SLC44A1: variants seen among roughly 807,000 people sequenced by gnomAD.
The protein encoded by SLC44A1 is solute carrier family 44 member 1.
SLC44A1 carries 26 observed loss-of-function variants against 79.3 expected under a neutral mutation model. The observed-to-expected ratio is 0.33, with a 90% CI of 0.24 to 0.46. The LOEUF (loss-of-function observed/expected upper bound fraction) is 0.46, where lower values mean the gene tolerates loss of function less well. SLC44A1 is among the 20% of genes least tolerant of loss of function. The pLI is 1.00. For synonymous variants in SLC44A1, 263 were observed against 286.2 expected (o/e 0.92, Z 0.82); for missense variants, 688 against 798.1 (o/e 0.86, Z 1.66).
At chr9:105,413,463 T>C (rs1329338461) in intron 15 of SLC44A1, among the ~76,000 whole-genome samples, 4 of 152,162 alleles carry the variant, frequency 2.6e-5, no homozygotes, top group African/African-American at 9.7e-5. Flanking sequence ...GCAGATGTGA[T>C]CCTACTTGAA....
chr9:105,262,858 C>T (rs1829874085), intron 1 of SLC44A1, among the ~76,000 whole-genome samples: 2 of 152,128 alleles, frequency 1.3e-5, no homozygotes, highest in South Asian at 2.1e-4. Context: ...TGTTTATGCT[C>T]TTTAAGTTTT....
At chr9:105,295,768 G>C (rs1218931687) in intron 1 of SLC44A1, among the ~76,000 whole-genome samples, 1 of 151,078 alleles carries the variant, frequency 6.6e-6, no homozygotes, top group Non-Finnish European at 1.5e-5. Flanking sequence ...GAGTGGGGGG[G>C]AGGGCGCCAA....
chr9:105,423,085 T>C (rs1336376682), intron 15 of SLC44A1, among the ~76,000 whole-genome samples: 4 of 152,188 alleles, frequency 2.6e-5, no homozygotes, highest in Admixed American at 2.6e-4. Context: ...TGAAATCTAC[T>C]CTTATGTTAA....
At chr9:105,266,582 A>G (rs1829967477) in intron 1 of SLC44A1, among the ~76,000 whole-genome samples, 1 of 152,116 alleles carries the variant, frequency 6.6e-6, no homozygotes, top group South Asian at 2.1e-4. Context: ...TTTCCATTGA[A>G]TTGCCTTTGT....
At chr9:105,294,034 C>T (rs1445772808) in intron 1 of SLC44A1, among the ~76,000 whole-genome samples, 1 of 152,120 alleles carries the variant, frequency 6.6e-6, no homozygotes, top group African/African-American at 2.4e-5. Context: ...TATAAATGTA[C>T]AAACAAGAGG....
chr9:105,417,690 A>T (rs185410390), intron 15 of SLC44A1, among the ~76,000 whole-genome samples: 63 of 152,134 alleles, frequency 4.1e-4, no homozygotes, highest in Non-Finnish European at 2.4e-4. Flanking sequence ...CTTGCCCTTG[A>T]TATCAGTGAG....
In SLC44A1 at chr9:105,392,648, C is replaced by T. The variant is rs982143220; in HGVS notation, c.*3592C>T. The T allele has an allele frequency of 1.0e-5, 10 of 985,306 alleles. No homozygotes were observed. Among genetic ancestry groups the T allele is most frequent in the Non-Finnish European group, 2.4e-6 (2 of 829,984 alleles). 61.0% of individuals were successfully genotyped at this position (985,306 alleles called of 1,614,324 possible). ...ACAGCTACAGGAACTGCAGGCACCA[C>T]ATATGTGTGAGGCCACATCACTGCC... On this transcript the variant is annotated 3_prime_UTR_variant, in exon 16 of 16. Transcript: ENST00000374720.
At chr9:105,386,974 G>A (rs2131473504) in intron 15 of SLC44A1, among the ~76,000 whole-genome samples, 1 of 143,508 alleles carries the variant, frequency 7.0e-6, no homozygotes, top group African/African-American at 2.6e-5. Flanking sequence ...GGGAGGCAGA[G>A]GTTGCAGTGA....
chr9:105,436,198 AAAAACAG>A (rs1464989601), intron 15 of SLC44A1, among the ~76,000 whole-genome samples: 1 of 152,236 alleles, frequency 6.6e-6, no homozygotes, highest in Non-Finnish European at 1.5e-5. Flanking sequence ...ACTCTATCTC[AAAAACAG>A]AAAACAAAAA....
intron 13 of SLC44A1, among the ~76,000 whole-genome samples, chr9:105,375,689 C>T (rs1828257343): frequency 6.6e-6 from 1 of 152,026 alleles, no homozygotes. Flanking sequence ...TGTTAGAGAA[C>T]GAGACTTATA....
intron 12 of SLC44A1, among the ~76,000 whole-genome samples, chr9:105,374,367 T>G (rs570377678): frequency 6.6e-6 from 1 of 152,292 alleles, no homozygotes; most frequent in South Asian, 2.1e-4. Flanking sequence ...TTTTAATAAA[T>G]AACAATGTTT....
intron 1 of SLC44A1, among the ~76,000 whole-genome samples, chr9:105,273,587 A>C (rs1830127304): frequency 6.6e-6 from 1 of 152,180 alleles, no homozygotes; most frequent in Non-Finnish European, 1.5e-5. Flanking sequence ...ATTTGTGTAA[A>C]ATTGCAACTG....
chr9:105,292,476 A>T (rs1830623614), intron 1 of SLC44A1, among the ~76,000 whole-genome samples: 1 of 152,202 alleles, frequency 6.6e-6, no homozygotes, highest in South Asian at 2.1e-4. Context: ...TTTTAAAGCA[A>T]CTTAATGTCC....
intron 4 of SLC44A1, among the ~76,000 whole-genome samples, chr9:105,338,457 T>C (rs1588799245): frequency 6.6e-6 from 1 of 152,208 alleles, no homozygotes. Context: ...TGCAGTGGTC[T>C]AGGCTGTAGT....
chr9:105,317,039 T>G (rs1831346323), intron 3 of SLC44A1, among the ~76,000 whole-genome samples: 1 of 152,226 alleles, frequency 6.6e-6, no homozygotes, highest in East Asian at 1.9e-4. Flanking sequence ...GAATGAATCC[T>G]CTTCCAAGCT....
chr9:105,294,915 G>A (rs904561502), intron 1 of SLC44A1: 4 of 144,970 alleles, frequency 2.8e-5, no homozygotes, highest in African/African-American at 1.0e-4. Context: ...GTGTGTTTCA[G>A]TTTGGATAAT....
rs530939144 is a variant in SLC44A1 at position 105,426,332 on chromosome 9, T to C, written c.1951-11949T>C. The stretch of plus-strand genomic sequence containing the variant: ...ATTTTTTCAATGTTTGACCCTTGAT[T>C]TACATTGACATTTACATTCCCTTTA... On this transcript the variant is annotated intron_variant, in intron 15 of 15. Transcript: ENST00000374724. Among the ~76,000 whole-genome samples, 17 of 152,356 alleles carry C rather than the reference T, an allele frequency of 1.1e-4. 1 individual carries two copies. In the East Asian group the frequency reaches 3.1e-3, roughly 28 times the overall value.
intron 15 of SLC44A1, chr9:105,385,849 G>T: frequency 2.0e-6 from 2 of 985,376 alleles, no homozygotes; most frequent in Non-Finnish European, 2.4e-6. Flanking sequence ...ACATTTTGGT[G>T]TACACTTGAA....
chr9:105,351,359 C>G (rs1827398690), intron 5 of SLC44A1, among the ~76,000 whole-genome samples: 1 of 152,014 alleles, frequency 6.6e-6, no homozygotes, highest in Admixed American at 6.6e-5. Context: ...CATGGTGGAA[C>G]CTCGTCTCTA....
Sources: gnomAD v4.1 joint callset for allele counts (sites outside exome capture counted in the v4.1 genomes callset) on GRCh38, gnomAD v4.1.1 for gene constraint, MANE v1.5 for transcripts, NCBI Gene and HGNC (gene_info 2026-07-23, HGNC 2026-07-21) for gene names.